The following PNPLA7 variants were observed in gnomAD, a reference collection of about 807,000 sequenced individuals.
The protein encoded by PNPLA7 is patatin like domain 7, lysophospholipase.
A neutral mutation model predicts 161.7 loss-of-function variants in PNPLA7; 153 were observed. The ratio of observed to expected loss-of-function variants is 0.95; its 90% CI spans 0.83 to 1.08. The LOEUF (loss-of-function observed/expected upper bound fraction) is 1.08, where lower values mean the gene tolerates loss of function less well. Among genes scored for constraint, PNPLA7 ranks in the 50% least tolerant of loss-of-function variants. The probability of loss-of-function intolerance (pLI) is 0.00; values close to 1 mark genes in which losing one functional copy is unlikely to be tolerated. For synonymous variants in PNPLA7, 809 were observed against 782.1 expected, an observed-to-expected ratio of 1.03 and a Z score of -0.57; for missense variants, 1,739 against 1,856.6, an observed-to-expected ratio of 0.94 and a Z score of 1.16.
rs2132663290 is a variant in PNPLA7, at chr9:137,546,866, G to T, written c.237C>A (p.Asp79Glu). The change falls in exon 4 of 35, where the codon GAC becomes GAA. Residue 79 changes from aspartate to glutamate, a missense_variant. Coordinates refer to ENST00000406427, the MANE Select transcript of PNPLA7 (RefSeq NM_001098537.3). ...TCTTCCGGCCGTAAAACATCACTTT[G>T]TCTCTCTTCCGGAACCGGTACTGAG... ...PTPQYRFRKR[D>E]KVMFYGRKIM... The T allele has an allele frequency of 6.2e-7, 1 of 1,613,950 alleles. No individual in the cohort carries two copies. The highest frequency in any genetic ancestry group is 8.5e-7 in the Non-Finnish European group (1 of 1,180,002).
At chr9:137,473,111 G>C (rs1398936331) in intron 25 of PNPLA7, among the ~76,000 whole-genome samples, 10 of 152,196 alleles carry the variant, frequency 6.6e-5, no homozygotes, top group Admixed American at 6.5e-4. Flanking sequence ...AAAACCATCA[G>C]ATCCCGTTAG....
At chr9:137,544,731 C>A (rs985724029) in intron 4 of PNPLA7, among the ~76,000 whole-genome samples, 1 of 152,184 alleles carries the variant, frequency 6.6e-6, no homozygotes, top group Non-Finnish European at 1.5e-5. Context: ...ACAACCTCCG[C>A]CTCCTGGGTC....
chr9:137,498,693 AGGGTGG>A (rs1833205179), intron 16 of PNPLA7, among the ~76,000 whole-genome samples: 1 of 151,964 alleles, frequency 6.6e-6, no homozygotes, highest in Non-Finnish European at 1.5e-5. Context: ...GGGTGGGTGG[AGGGTGG>A]CTGGGGCCTC....
intron 8 of PNPLA7, among the ~76,000 whole-genome samples, chr9:137,525,008 T>C (rs923614491): frequency 6.6e-6 from 1 of 152,222 alleles, no homozygotes; most frequent in Non-Finnish European, 1.5e-5. Context: ...TTATTCACAG[T>C]GCAATTCACT....
chr9:137,480,863 G>A (rs1832183963), intron 22 of PNPLA7, 97 bp downstream of exon 22: 3 of 1,273,554 alleles, frequency 2.4e-6, no homozygotes, highest in Non-Finnish European at 3.3e-6. Flanking sequence ...CGAGGAGCAC[G>A]CTGCAGTGCA....
At position 137,547,571 on chromosome 9, in the gene PNPLA7, C is replaced by T. The variant is rs751357167; in HGVS notation, c.105+14G>A. 35 of 1,612,922 alleles carry T rather than the reference C, an allele frequency of 2.2e-5. No homozygotes were observed. In the South Asian group the frequency reaches 2.6e-4, roughly 12 times the overall value. ...CCATCCAGGTCTGGCTCCAGGGAAGCGTGAGGTGATTACCATGGTGGACGG... is the reference window on the plus strand; with the variant it reads ...CCATCCAGGTCTGGCTCCAGGGAAGTGTGAGGTGATTACCATGGTGGACGG... On this transcript the variant is annotated intron_variant, in intron 2 of 34. Transcript: ENST00000406427. The surrounding 1 kb of genome is among the most constrained non-coding windows in gnomAD (Gnocchi z 4.6).
At chr9:137,506,147 TGG>T in intron 12 of PNPLA7, 64 bp from the exon 13 acceptor site, 2 of 1,401,424 alleles carry the variant, frequency 1.4e-6, no homozygotes, top group Non-Finnish European at 2.0e-6. Context: ...GTCCGCGGTG[TGG>T]GCTGAGCACA....
rs757797102 is a variant in PNPLA7 at position 137,543,592 on chromosome 9, T to A, written c.366-20A>T. 16 of 1,608,492 alleles carry A rather than the reference T, an allele frequency of 9.9e-6. No individual in the cohort carries two copies. The highest frequency in any genetic ancestry group is 1.4e-5 in the Non-Finnish European group (16 of 1,177,204). ...AGAATCCTACAAGGCAGAGACACAC[T>A]AGCCTTGAGCAGACCAGGCGGGTTC... On this transcript the variant is annotated intron_variant, in intron 5 of 34. Transcript: ENST00000406427. The surrounding 1 kb of genome is among the most constrained non-coding windows in gnomAD (Gnocchi z 6.9).
intron 4 of PNPLA7, among the ~76,000 whole-genome samples, 184 bp downstream of exon 4, chr9:137,546,646 C>T (rs1478051855): frequency 6.6e-6 from 1 of 152,182 alleles, no homozygotes; most frequent in Non-Finnish European, 1.5e-5. Context: ...GAAGCAGACA[C>T]CATTCGGCAC....
chr9:137,474,424 C>T (rs896874613), intron 25 of PNPLA7, among the ~76,000 whole-genome samples: 24 of 152,204 alleles, frequency 1.6e-4, no homozygotes, highest in African/African-American at 5.1e-4. Context: ...CACGTTATGT[C>T]GCGTGATCAA....
At chr9:137,479,511 ACAG>A in intron 23 of PNPLA7, 2 of 1,181,132 alleles carry the variant, frequency 1.7e-6, no homozygotes, top group Non-Finnish European at 2.1e-6. Flanking sequence ...ATAAACACAC[ACAG>A]CAACCTTTCC....
intron 12 of PNPLA7, among the ~76,000 whole-genome samples, chr9:137,512,153 G>A (rs1413346575): frequency 6.6e-6 from 1 of 152,182 alleles, no homozygotes; most frequent in Non-Finnish European, 1.5e-5. Flanking sequence ...AACTCACAAG[G>A]CCCTGTAGGG....
rs879428588 is a variant in PNPLA7 at position 137,468,516 on chromosome 9, G to A, written c.2883-1043C>T. Among the ~76,000 whole-genome samples, 1 of 152,122 alleles carries A rather than the reference G, an allele frequency of 6.6e-6. No homozygotes were observed. Among genetic ancestry groups the A allele is most frequent in the Non-Finnish European group, 1.5e-5 (1 of 68,032 alleles). ...GCACCCAGCTCTAAGGAGGGAGCTC[G>A]GATGCAAGCCACAGCTGGGGGGGAC... On this transcript the variant is annotated intron_variant, in intron 25 of 34. Coordinates refer to ENST00000406427, the MANE Select transcript of PNPLA7 (RefSeq NM_001098537.3). The surrounding 1 kb of genome is among the most constrained non-coding windows in gnomAD (Gnocchi z 4.0).
At chr9:137,503,500 GGAA>G (rs1220694321) in intron 14 of PNPLA7, among the ~76,000 whole-genome samples, 1 of 66,990 alleles carries the variant, frequency 1.5e-5, no homozygotes, top group Non-Finnish European at 2.9e-5. Flanking sequence ...AGGAGGAGGG[GGAA>G]GGAGAAGGAG....
chr9:137,479,120 C>A lies in PNPLA7; in HGVS notation c.2699G>T (p.Cys900Phe). ...TVEWLNMRSW[C>F]SGHLHLCCPR... is the part of the protein sequence containing the mutation. ...GCAGCAGAGGTGCAGGTGGCCGGAGCACCAGCTCCGCATGTTGAGCCACTC... is the reference window on the plus strand; with the variant it reads ...GCAGCAGAGGTGCAGGTGGCCGGAGAACCAGCTCCGCATGTTGAGCCACTC... The change falls in exon 24 of 35, where the codon TGC becomes TTC. Residue 900 changes from cysteine (C) to phenylalanine (F), a missense_variant. Coordinates refer to ENST00000406427, the MANE Select transcript of PNPLA7 (RefSeq NM_001098537.3). 1 of 1,598,234 alleles carries A rather than the reference C, an allele frequency of 6.3e-7. No homozygotes were observed. The highest frequency in any genetic ancestry group is 1.1e-5 in the South Asian group (1 of 88,584).
rs1032574825 is a variant in PNPLA7, at chr9:137,523,678, G to A, written c.748-821C>T. 6.6e-6 allele frequency among the ~76,000 whole-genome samples: 1 copy of A among 150,564 alleles called. No individual in the cohort carries two copies. The highest frequency in any genetic ancestry group is 1.5e-5 in the Non-Finnish European group (1 of 67,760). ...GTCTCGTTCTGTCGTCCAGGCTGGA[G>A]TGCAATGGCGTGATCTTGGCTCACT... On this transcript the variant is annotated intron_variant, in intron 8 of 34. Transcript: ENST00000406427. The surrounding 1 kb of genome is among the most constrained non-coding windows in gnomAD (Gnocchi z 4.4).
At position 137,519,047 on chromosome 9, in the gene PNPLA7, C is replaced by G. The variant is rs114041610; in HGVS notation, c.1084+870G>C. ...ACTCACTCCCTCCACTCTACTCACT[C>G]CATCCCACACTCACTCATTCCACTC... On this transcript the variant is annotated intron_variant, in intron 11 of 34. Transcript: ENST00000406427. Among the ~76,000 whole-genome samples, 439 of 148,438 alleles carry G rather than the reference C, an allele frequency of 3.0e-3. 3 individuals are homozygous for G. Among genetic ancestry groups the G allele is most frequent in the African/African-American group, 0.01 (416 of 40,054 alleles).
In PNPLA7 at chr9:137,464,694, C is replaced by A. The variant is rs890622699; in HGVS notation, c.3040-238G>T. The A allele has an allele frequency of 7.3e-6, 4 of 546,402 alleles. No individual in the cohort carries two copies. In the African/African-American group the frequency reaches 7.6e-5, roughly 10 times the overall value. 33.8% of individuals were successfully genotyped at this position (546,402 alleles called of 1,614,324 possible). ...CCCACCCTCGGTCCCTTCCTGATCCCTAAGCCCTCGCTGGCCCTACCCTCG... is the reference window on the plus strand; with the variant it reads ...CCCACCCTCGGTCCCTTCCTGATCCATAAGCCCTCGCTGGCCCTACCCTCG... On this transcript the variant is annotated intron_variant, in intron 26 of 34. Coordinates refer to ENST00000406427, the MANE Select transcript of PNPLA7 (RefSeq NM_001098537.3).
At position 137,479,056 on chromosome 9, in the gene PNPLA7, C is replaced by T. The variant is rs2132135526; in HGVS notation, c.2763G>A (p.Leu921=). The T allele has an allele frequency of 1.9e-6, 3 of 1,575,532 alleles. No homozygotes were observed. The highest frequency in any genetic ancestry group is 2.3e-5 in the South Asian group (2 of 87,258). ...AGGCAGCCTCCTCTCCCCGCCTCACCAGCTTGGGCAGGCTCCTCCTGGAGA... is the reference window on the plus strand; with the variant it reads ...AGGCAGCCTCCTCTCCCCGCCTCACTAGCTTGGGCAGGCTCCTCCTGGAGA... The part of the protein sequence containing the change: ...RVFSRRSLPK[L]VEMYKHVFQR... Residue 921 remains leucine, a splice_region_variant and synonymous_variant, in exon 24 of 35, where the codon CTG becomes CTA. Transcript: ENST00000406427.
Sources: gnomAD v4.1 joint callset for allele counts (sites outside exome capture counted in the v4.1 genomes callset) on GRCh38, gnomAD v4.1.1 for gene constraint, Gnocchi (gnomAD v3.1) non-coding constraint, MANE v1.5 for transcripts, NCBI Gene and HGNC (gene_info 2026-07-23, HGNC 2026-07-21) for gene names.